Variants in MMP16 observed in about 807,000 individuals in gnomAD.
MMP16 encodes the protein matrix metallopeptidase 16.
Under a neutral mutation model 67.8 loss-of-function variants are expected in MMP16, and 12 were observed. That is an observed-to-expected ratio of 0.18 (90% CI 0.11 to 0.29). The LOEUF (loss-of-function observed/expected upper bound fraction) is 0.29. MMP16 is among the 10% of genes least tolerant of loss of function. MMP16 has a pLI of 1.00. For missense variants in MMP16, 475 were observed against 765.7 expected (o/e 0.62, Z 4.48); for synonymous variants, 249 against 255.9 (o/e 0.97, Z 0.26).
At chr8:88,235,810 G>A (rs1809931703) in intron 1 of MMP16, among the ~76,000 whole-genome samples, 1 of 151,780 alleles carries the variant, frequency 6.6e-6, no homozygotes, top group Non-Finnish European at 1.5e-5. Context: ...TGTAACAATG[G>A]ACTTAATGTT....
At chr8:88,154,774 G>C (rs1438382547) in intron 4 of MMP16, among the ~76,000 whole-genome samples, 2 of 148,304 alleles carry the variant, frequency 1.3e-5, no homozygotes, top group African/African-American at 5.0e-5. Context: ...GCTAGATGAC[G>C]AGTTAGTGGG....
chr8:88,076,303 C>A (rs922245685), intron 6 of MMP16, among the ~76,000 whole-genome samples: 8 of 152,056 alleles, frequency 5.3e-5, no homozygotes, highest in Non-Finnish European at 8.8e-5. Context: ...TTTCTGAGAA[C>A]CTGGCACAGA....
intron 6 of MMP16, among the ~76,000 whole-genome samples, chr8:88,080,408 CAT>C (rs1250514855): frequency 6.6e-6 from 1 of 152,010 alleles, no homozygotes; most frequent in Non-Finnish European, 1.5e-5. Flanking sequence ...CACAAGCAAT[CAT>C]GTGTTGTTTT....
At chr8:88,286,390 C>T (rs142498226) in intron 1 of MMP16, among the ~76,000 whole-genome samples, 69 of 152,098 alleles carry the variant, frequency 4.5e-4, no homozygotes, top group Non-Finnish European at 9.4e-4. Context: ...TGTGACAGTC[C>T]AACCAAAACC....
chr8:88,055,844 T>C (rs1314315440), intron 8 of MMP16, among the ~76,000 whole-genome samples: 1 of 152,100 alleles, frequency 6.6e-6, no homozygotes, highest in Non-Finnish European at 1.5e-5. Flanking sequence ...AGGATACATA[T>C]ATACACTGCT....
At chr8:88,055,897 A>C (rs976212974) in intron 8 of MMP16, among the ~76,000 whole-genome samples, 1 of 152,214 alleles carries the variant, frequency 6.6e-6, no homozygotes, top group African/African-American at 2.4e-5. Context: ...GGAAATGAAA[A>C]AAAACATATG....
intron 4 of MMP16, among the ~76,000 whole-genome samples, chr8:88,144,987 A>G (rs1196991204): frequency 1.3e-5 from 2 of 152,036 alleles, no homozygotes; most frequent in African/African-American, 2.4e-5. Context: ...GTATGCTTAT[A>G]TATGTTTTAT....
At chr8:88,217,277 C>T (rs536432631) in intron 1 of MMP16, among the ~76,000 whole-genome samples, 1 of 152,130 alleles carries the variant, frequency 6.6e-6, no homozygotes, top group South Asian at 2.1e-4. Context: ...TCACTAATCC[C>T]AGTTCTCTCA....
chr8:88,312,150 G>A (rs1443386108), intron 1 of MMP16, among the ~76,000 whole-genome samples: 2 of 152,132 alleles, frequency 1.3e-5, no homozygotes, highest in Admixed American at 1.3e-4. Flanking sequence ...TGGGAATACA[G>A]GCTAGAGCTG....
Position 88,230,783 on chromosome 8 carries a change from A to G in MMP16, c.133-33477T>C, listed in dbSNP as rs139317243. Among the ~76,000 whole-genome samples the G allele has an allele frequency of 5.1e-3, 783 of 152,272 alleles. 11 individuals carry two copies. Among genetic ancestry groups the G allele is most frequent in the African/African-American group, 0.018 (750 of 41,568 alleles). ...TTGGATGCATTCTTATAAATGCTGG[A>G]TAAACAAGCTACATGGTTTTTCTTA... On this transcript the variant is annotated intron_variant, in intron 1 of 9. Transcript: ENST00000286614.
At chr8:88,237,277 T>C (rs1809956849) in intron 1 of MMP16, among the ~76,000 whole-genome samples, 1 of 152,246 alleles carries the variant, frequency 6.6e-6, no homozygotes, top group Non-Finnish European at 1.5e-5. Flanking sequence ...ATGGGCATTA[T>C]GCGTTTTGCT....
chr8:88,113,580 A>G (rs977609886), intron 6 of MMP16, among the ~76,000 whole-genome samples: 1 of 151,916 alleles, frequency 6.6e-6, no homozygotes, highest in Admixed American at 6.6e-5. Context: ...GAAAGATCAG[A>G]TATGGGGTAA....
chr8:88,322,499 A>T lies in MMP16; in HGVS notation c.132+4576T>A, dbSNP rs149498827. Among the ~76,000 whole-genome samples, 24 of 152,142 alleles carry T rather than the reference A, an allele frequency of 1.6e-4. 1 individual carries two copies. In the East Asian group the frequency reaches 4.6e-3, roughly 29 times the overall value. ...TTATGTCATTAGATGCTATGGTGCC[A>T]ATTACTTCCTTATCGACCTTTATTT... is the stretch of plus-strand genomic sequence containing the variant. On this transcript the variant is annotated intron_variant, in intron 1 of 9. Transcript: ENST00000286614.
At chr8:88,317,871 AT>A (rs1156448458) in intron 1 of MMP16, among the ~76,000 whole-genome samples, 1 of 152,192 alleles carries the variant, frequency 6.6e-6, no homozygotes, top group Non-Finnish European at 1.5e-5. Context: ...CAACAGGCCT[AT>A]TCTCAAACAG....
At chr8:88,149,643 T>C (rs1808365996) in intron 4 of MMP16, among the ~76,000 whole-genome samples, 1 of 151,402 alleles carries the variant, frequency 6.6e-6, no homozygotes, top group South Asian at 2.1e-4. Flanking sequence ...GACCTGCAGC[T>C]GAGGGTGCTG....
intron 6 of MMP16, among the ~76,000 whole-genome samples, chr8:88,089,115 T>C (rs1271596219): frequency 1.3e-5 from 2 of 152,018 alleles, no homozygotes; most frequent in African/African-American, 4.8e-5. Context: ...AAGCTGAACA[T>C]AGTACCAGGT....
At position 88,072,632 on chromosome 8, in the gene MMP16, A is replaced by G. The variant is rs531816823; in HGVS notation, c.1222+1973T>C. Among the ~76,000 whole-genome samples the G allele has an allele frequency of 3.1e-3, 470 of 152,282 alleles. 5 individuals are homozygous for G. Among genetic ancestry groups the G allele is most frequent in the Middle Eastern group, 0.01 (3 of 294 alleles). ...TTATTGCTGTTGTAAGCACCACACC[A>G]TAAGAAACACCATACTGAGTCAAAT... On this transcript the variant is annotated intron_variant, in intron 7 of 9. Transcript: ENST00000286614.
intron 2 of MMP16, among the ~76,000 whole-genome samples, chr8:88,188,913 C>T (rs891642315): frequency 4.6e-5 from 7 of 152,134 alleles, no homozygotes; most frequent in Admixed American, 3.9e-4. Flanking sequence ...CCTCGGCCTC[C>T]CAAAGTGCTG....
At position 88,199,700 on chromosome 8, in the gene MMP16, T is replaced by C. The variant is rs963009024; in HGVS notation, c.133-2394A>G. Among the ~76,000 whole-genome samples, 5 of 152,134 alleles carry C rather than the reference T, an allele frequency of 3.3e-5. 1 individual carries two copies. Among genetic ancestry groups the C allele is most frequent in the African/African-American group, 9.6e-5 (4 of 41,558 alleles). ...GTTCTTAAAAATAAATTTTGAGATA[T>C]AAATATATATGTGAGTATGTATGTG... On this transcript the variant is annotated intron_variant, in intron 1 of 9. Transcript: ENST00000286614.
Sources: allele counts gnomAD v4.1 joint callset (sites outside exome capture counted in the v4.1 genomes callset), GRCh38; gene constraint gnomAD v4.1.1; transcripts MANE v1.5; gene names NCBI Gene and HGNC (gene_info 2026-07-23, HGNC 2026-07-21).